Variants in FTO observed in about 807,000 individuals in gnomAD.
FTO encodes alpha-ketoglutarate-dependent dioxygenase FTO.
A neutral mutation model predicts 63.9 loss-of-function variants in FTO; 47 were observed. That is an observed-to-expected ratio of 0.74 (90% CI 0.58 to 0.94). FTO has a LOEUF of 0.94. Among genes scored for constraint, FTO ranks in the 40% least tolerant of loss-of-function variants. FTO has a pLI of 0.00. For synonymous variants in FTO, 207 were observed against 224.4 expected, an observed-to-expected ratio of 0.92 and a Z score of 0.69; for missense variants, 562 against 618.1, an observed-to-expected ratio of 0.91 and a Z score of 0.96.
At chr16:53,798,113 A>G (rs568119240) in intron 1 of FTO, among the ~76,000 whole-genome samples, 1 of 152,248 alleles carries the variant, frequency 6.6e-6, no homozygotes, top group South Asian at 2.1e-4. Flanking sequence ...AATCAATGAA[A>G]CATAAATATC....
chr16:54,068,385 A>G (rs1294687224), intron 8 of FTO, among the ~76,000 whole-genome samples: 1 of 152,212 alleles, frequency 6.6e-6, no homozygotes, highest in Admixed American at 6.5e-5. Context: ...CCTGAAAGCC[A>G]GAAGGGCAAA....
intron 7 of FTO, among the ~76,000 whole-genome samples, chr16:53,920,377 C>A (rs79041215): frequency 1.3e-5 from 2 of 152,148 alleles, no homozygotes; most frequent in African/African-American, 2.4e-5. Flanking sequence ...ACAAGGGAGA[C>A]CTCCTGAATC....
intron 8 of FTO, chr16:53,994,346 T>A (rs2083883091): frequency 6.6e-6 from 1 of 152,092 alleles, no homozygotes; most frequent in Admixed American, 6.6e-5. Flanking sequence ...TTCTTTCTTT[T>A]TATTATTTAA....
At chr16:53,966,636 C>G (rs1263892986) in intron 8 of FTO, among the ~76,000 whole-genome samples, 1 of 152,206 alleles carries the variant, frequency 6.6e-6, no homozygotes, top group Non-Finnish European at 1.5e-5. Flanking sequence ...CCTTCCAAAG[C>G]TCCCTTTTAA....
intron 8 of FTO, among the ~76,000 whole-genome samples, chr16:54,019,923 A>C (rs2144138775): frequency 6.6e-6 from 1 of 152,350 alleles, no homozygotes; most frequent in South Asian, 2.1e-4. Flanking sequence ...AGGATTGAAG[A>C]ATGCAGATTA....
chr16:54,017,695 C>T (rs1437687500), intron 8 of FTO, among the ~76,000 whole-genome samples: 1 of 151,966 alleles, frequency 6.6e-6, no homozygotes, highest in Non-Finnish European at 1.5e-5. Context: ...ATAATCATCT[C>T]CTTTTAAAAA....
chr16:54,048,410 A>G (rs1170765627), intron 8 of FTO, among the ~76,000 whole-genome samples: 1 of 152,054 alleles, frequency 6.6e-6, no homozygotes, highest in Non-Finnish European at 1.5e-5. Flanking sequence ...AGTGAAGGCA[A>G]AAGTCGTTTT....
intron 8 of FTO, among the ~76,000 whole-genome samples, chr16:54,055,312 G>A (rs2085406724): frequency 1.3e-5 from 2 of 152,158 alleles, no homozygotes; most frequent in South Asian, 4.1e-4. Flanking sequence ...ATATCACCCT[G>A]AACTACATGA....
intron 1 of FTO, among the ~76,000 whole-genome samples, chr16:53,756,500 G>A (rs1390380647): frequency 2.0e-5 from 3 of 152,202 alleles, no homozygotes; most frequent in Non-Finnish European, 4.4e-5. Flanking sequence ...CGGCCATAAA[G>A]TTTGCATGTT....
intron 1 of FTO, among the ~76,000 whole-genome samples, chr16:53,757,970 G>A (rs1047881816): frequency 2.0e-5 from 3 of 152,156 alleles, no homozygotes; most frequent in East Asian, 1.9e-4. Context: ...TGACTGTTCC[G>A]TTGGAGTATT....
chr16:53,921,988 C>A (rs2082017771), intron 7 of FTO, among the ~76,000 whole-genome samples: 1 of 152,162 alleles, frequency 6.6e-6, no homozygotes, highest in Non-Finnish European at 1.5e-5. Flanking sequence ...ACTGATTACT[C>A]TTGGGCATTT....
At chr16:53,990,979 G>C (rs2083797432) in intron 8 of FTO, 1 of 152,060 alleles carries the variant, frequency 6.6e-6, no homozygotes, top group Non-Finnish European at 1.5e-5. Context: ...CTGAGTATAG[G>C]TTTTCATTTT....
intron 8 of FTO, among the ~76,000 whole-genome samples, chr16:54,061,928 A>G (rs62034113): frequency 0.19 from 28,971 of 152,028 alleles, 4,587 homozygotes; most frequent in African/African-American, 0.43. Flanking sequence ...ATGCCTTAAC[A>G]TGGACTCCTC....
At chr16:53,802,365 C>T (rs1377039839) in intron 1 of FTO, among the ~76,000 whole-genome samples, 1 of 151,914 alleles carries the variant, frequency 6.6e-6, no homozygotes, top group African/African-American at 2.4e-5. Flanking sequence ...ATAGCTGCAA[C>T]CATCCATTTT....
chr16:53,893,614 G>A (rs1016150591), intron 7 of FTO, among the ~76,000 whole-genome samples: 1 of 151,504 alleles, frequency 6.6e-6, no homozygotes, highest in East Asian at 1.9e-4. Flanking sequence ...AAGAATGCTA[G>A]GTGCGAAATC....
At chr16:54,075,198 CAGATT>C (rs1345396813) in intron 8 of FTO, among the ~76,000 whole-genome samples, 7 of 151,662 alleles carry the variant, frequency 4.6e-5, no homozygotes, top group Non-Finnish European at 8.8e-5. Context: ...CATAGAAGAT[CAGATT>C]AGATTGTTAG....
At chr16:53,866,662 A>G (rs1436658672) in intron 4 of FTO, among the ~76,000 whole-genome samples, 1 of 152,058 alleles carries the variant, frequency 6.6e-6, no homozygotes, top group Non-Finnish European at 1.5e-5. Context: ...GTAAATAACT[A>G]TTGACATCAT....
At chr16:53,816,088 C>T (rs145164196) in intron 2 of FTO, among the ~76,000 whole-genome samples, 124 of 152,250 alleles carry the variant, frequency 8.1e-4, no homozygotes, top group African/African-American at 2.8e-3. Flanking sequence ...TCCTTCCTTG[C>T]CTTTGTGCCC....
chr16:53,762,095 GT>G (rs1181498483), intron 1 of FTO, among the ~76,000 whole-genome samples: 1 of 152,196 alleles, frequency 6.6e-6, no homozygotes, highest in Non-Finnish European at 1.5e-5. Context: ...AACCTGACTA[GT>G]CATTATACTG....
Sources: allele counts gnomAD v4.1 joint callset (sites outside exome capture counted in the v4.1 genomes callset), GRCh38; gene constraint gnomAD v4.1.1; transcripts MANE v1.5; gene names NCBI Gene and HGNC (gene_info 2026-07-23, HGNC 2026-07-21).